The following ADAM10 variants were observed in gnomAD, a reference collection of about 807,000 sequenced individuals.
ADAM10 encodes the protein ADAM metallopeptidase domain 10.
Under a neutral mutation model 90.1 loss-of-function variants are expected in ADAM10, and 17 were observed. That is an observed-to-expected ratio of 0.19 (90% CI 0.13 to 0.28). The LOEUF (loss-of-function observed/expected upper bound fraction) is 0.28, where lower values mean the gene tolerates loss of function less well. ADAM10 is among the 10% of genes least tolerant of loss of function. The pLI, the probability that ADAM10 is intolerant of heterozygous loss-of-function variation, is 1.00. For synonymous variants in ADAM10, 310 were observed against 298.6 expected (o/e 1.04, Z -0.40); for missense variants, 610 against 914.3 (o/e 0.67, Z 4.29).
intron 11 of ADAM10, among the ~76,000 whole-genome samples, chr15:58,613,263 CT>C (rs1390659708): frequency 6.6e-6 from 1 of 152,190 alleles, no homozygotes; most frequent in African/African-American, 2.4e-5. Context: ...GCACCACACC[CT>C]TCCCGACCAG....
chr15:58,609,534 A>G (rs541668310), intron 14 of ADAM10: 2 of 152,212 alleles, frequency 1.3e-5, no homozygotes, highest in South Asian at 4.1e-4. Context: ...ATACACACAC[A>G]CACACATACA....
At chr15:58,625,879 T>A (rs146522171) in intron 10 of ADAM10, among the ~76,000 whole-genome samples, 1 of 152,360 alleles carries the variant, frequency 6.6e-6, no homozygotes, top group Non-Finnish European at 1.5e-5. Flanking sequence ...CAGGGAATTA[T>A]GTTGAGTGAG....
At chr15:58,719,644 G>C (rs1898776559) in intron 1 of ADAM10, among the ~76,000 whole-genome samples, 1 of 152,132 alleles carries the variant, frequency 6.6e-6, no homozygotes, top group Non-Finnish European at 1.5e-5. Flanking sequence ...ACAACAATGT[G>C]AATATACTTA....
At chr15:58,715,879 A>C (rs1205624485) in intron 2 of ADAM10, among the ~76,000 whole-genome samples, 1 of 152,230 alleles carries the variant, frequency 6.6e-6, no homozygotes, top group Non-Finnish European at 1.5e-5. Flanking sequence ...AGCAGCTAAA[A>C]TCTTTTCCTT....
At chr15:58,613,389 T>C (rs1178568533) in intron 11 of ADAM10, among the ~76,000 whole-genome samples, 2 of 151,922 alleles carry the variant, frequency 1.3e-5, no homozygotes, top group African/African-American at 4.8e-5. Flanking sequence ...CAGGGACTCA[T>C]GAAACATGAA....
intron 1 of ADAM10, among the ~76,000 whole-genome samples, chr15:58,735,264 T>C (rs965698373): frequency 1.5e-4 from 23 of 152,336 alleles, no homozygotes; most frequent in African/African-American, 4.3e-4. Context: ...ATCCTGATCC[T>C]TACTACTTGC....
At chr15:58,647,269 T>TTTTTTTTTTTTTTTTG (rs1896575565) in intron 5 of ADAM10, among the ~76,000 whole-genome samples, 1 of 117,340 alleles carries the variant, frequency 8.5e-6, no homozygotes, top group Non-Finnish European at 1.8e-5. Context: ...TTTTTTTTTT[T>TTTTTTTTTTTTTTTTG]TTTTTTTTTG....
chr15:58,665,330 A>G, intron 4 of ADAM10, 133 bp from the exon 5 acceptor site: 1 of 751,772 alleles, frequency 1.3e-6, no homozygotes, highest in Non-Finnish European at 2.3e-6. Context: ...CCTATGGAAA[A>G]GGCATTATGC....
In ADAM10 at chr15:58,678,484, A is replaced by G. The variant is rs553559852; in HGVS notation, c.484+640T>C. On this transcript the variant is annotated intron_variant, in intron 4 of 15. Coordinates refer to ENST00000260408, the MANE Select transcript of ADAM10 (RefSeq NM_001110.4). ...TTCAAGAGCTATATAAATTAGAGAA[A>G]TTTATTTCTGTGGTACTTCAAAGAA... 4.6e-5 allele frequency among the ~76,000 whole-genome samples: 7 copies of G among 152,300 alleles called. No individual in the cohort carries two copies. In the South Asian group the frequency reaches 1.4e-3, roughly 32 times the overall value.
intron 2 of ADAM10, chr15:58,691,372 C>T (rs759057380): frequency 1.6e-5 from 14 of 880,338 alleles, no homozygotes; most frequent in African/African-American, 8.2e-5. Context: ...TATATTACCT[C>T]GAAGCCCTTC....
chr15:58,709,132 T>C (rs575511458), intron 2 of ADAM10, among the ~76,000 whole-genome samples: 14 of 152,290 alleles, frequency 9.2e-5, no homozygotes, highest in African/African-American at 3.4e-4. Context: ...TTTTCAGGTA[T>C]AATGAAATAG....
At position 58,713,626 on chromosome 15, in the gene ADAM10, T is replaced by C. The variant is rs559160616; in HGVS notation, c.206+3951A>G. Among the ~76,000 whole-genome samples, 5 of 152,328 alleles carry C rather than the reference T, an allele frequency of 3.3e-5. No homozygotes were observed. In the East Asian group the frequency reaches 9.6e-4, roughly 29 times the overall value. On this transcript the variant is annotated intron_variant, in intron 2 of 15. Transcript: ENST00000260408. ...GATTTCTGAAACTCAGAAAACTGAT[T>C]CTTAATTTCTCAGCCAAGCTAAGAG...
chr15:58,609,954 A>T (rs761121664), intron 14 of ADAM10: 7 of 281,370 alleles, frequency 2.5e-5, no homozygotes, highest in Non-Finnish European at 4.8e-5. Context: ...TTGGGCAAAT[A>T]AGTTGTCTTG....
In ADAM10 at chr15:58,625,931, T is replaced by C. The variant is rs78351466; in HGVS notation, c.1360+1769A>G. Among the ~76,000 whole-genome samples the C allele has an allele frequency of 3.6e-3, 548 of 152,334 alleles. 7 individuals carry two copies. The highest frequency in any genetic ancestry group is 0.013 in the African/African-American group (530 of 41,582). On this transcript the variant is annotated intron_variant, in intron 10 of 15. Transcript: ENST00000260408. ...AGGTTGTATGCTGTCTGATTTTATT[T>C]ATATAACTTTTTTAGAAGTGACAAA... is the stretch of plus-strand genomic sequence containing the variant.
chr15:58,708,376 T>G lies in ADAM10; in HGVS notation c.206+9201A>C, dbSNP rs539523387. 5.9e-5 allele frequency among the ~76,000 whole-genome samples: 9 copies of G among 152,016 alleles called. No individual in the cohort carries two copies. In the East Asian group the frequency reaches 1.7e-3, roughly 29 times the overall value. On this transcript the variant is annotated intron_variant, in intron 2 of 15. Transcript: ENST00000260408. ...CTGGTGACAGATAAAAAAAAAATAATTGAGGCCACACCCGGTGGCTCACAC... is the reference window on the plus strand; with the variant it reads ...CTGGTGACAGATAAAAAAAAAATAAGTGAGGCCACACCCGGTGGCTCACAC...
chr15:58,648,500 A>G (rs1255381608), intron 5 of ADAM10, among the ~76,000 whole-genome samples: 1 of 152,226 alleles, frequency 6.6e-6, no homozygotes, highest in East Asian at 1.9e-4. Context: ...GACCAAAGGA[A>G]AAAAAACTGG....
chr15:58,613,236 C>T (rs1386042799), intron 11 of ADAM10, among the ~76,000 whole-genome samples: 2 of 152,146 alleles, frequency 1.3e-5, no homozygotes, highest in African/African-American at 2.4e-5. Flanking sequence ...TACCACTGCA[C>T]CTACCTGGAA....
rs1381911078 is a variant in ADAM10, at chr15:58,679,191, T to C, written c.417A>G (p.Pro139=). ...TTCGGTCTTTAATATATCTCTCTGC[T>C]GGCTCAACATAAAATGTGCCACCAC... ...QTRGGTFYVE[P]AERYIKDRTL... is the part of the protein sequence containing the mutation. Residue 139 remains proline, a synonymous_variant, in exon 4 of 16, where the codon CCA becomes CCG. Coordinates refer to ENST00000260408, the MANE Select transcript of ADAM10 (RefSeq NM_001110.4). The C allele has an allele frequency of 3.7e-6, 6 of 1,613,940 alleles. No homozygotes were observed. The highest frequency in any genetic ancestry group is 4.2e-6 in the Non-Finnish European group (5 of 1,179,984).
rs952027336 is a variant in ADAM10 at position 58,591,159 on chromosome 15, G to A, written c.*6388C>T. 3.3e-5 allele frequency: 5 copies of A among 152,106 alleles called. No individual in the cohort carries two copies. The highest frequency in any genetic ancestry group is 1.2e-4 in the African/African-American group (5 of 41,428). The allele number at this position is 152,106 out of a possible 1,614,324, so 9.4% of individuals were successfully genotyped here. On this transcript the variant is annotated 3_prime_UTR_variant, in exon 16 of 16. Transcript: ENST00000260408. ...CCTTCAACAGTGAGAGAGAGAGAGA[G>A]AGACAGAGCAAACAGGGACCCAATG...
Sources: gnomAD v4.1 joint callset for allele counts (sites outside exome capture counted in the v4.1 genomes callset) on GRCh38, gnomAD v4.1.1 for gene constraint, MANE v1.5 for transcripts, NCBI Gene and HGNC (gene_info 2026-07-23, HGNC 2026-07-21) for gene names.